Variants in NAV2 observed in about 807,000 individuals in gnomAD.
The protein encoded by NAV2 is neuron navigator 2.
Under a neutral mutation model 223.2 loss-of-function variants are expected in NAV2, and 54 were observed. That is an observed-to-expected ratio of 0.24 (90% CI 0.19 to 0.30). The LOEUF (loss-of-function observed/expected upper bound fraction) is 0.30, where lower values mean the gene tolerates loss of function less well. Among genes scored for constraint, NAV2 ranks in the 10% least tolerant of loss-of-function variants. NAV2 has a pLI of 1.00. For synonymous variants in NAV2, 1,279 were observed against 1,239.3 expected (o/e 1.03, Z -0.67); for missense variants, 2,806 against 3,147.5 (o/e 0.89, Z 2.60).
chr11:19,579,687 A>G (rs2045661201), intron 1 of NAV2, among the ~76,000 whole-genome samples: 1 of 152,242 alleles, frequency 6.6e-6, no homozygotes, highest in Admixed American at 6.5e-5. Context: ...TTAGAGCAGA[A>G]CCTGGAATTC....
At position 19,508,292 on chromosome 11, in the gene NAV2, A is replaced by T. The variant is rs1458089874; in HGVS notation, c.75+157265A>T. 2.0e-5 allele frequency among the ~76,000 whole-genome samples: 3 copies of T among 151,864 alleles called. No homozygotes were observed. The East Asian group carries it at 5.8e-4, about 29-fold the overall frequency. On this transcript the variant is annotated intron_variant, in intron 1 of 37. Transcript: ENST00000360655. ...TCAGGGTCAGGATGAGTCAAGGCTG[A>T]CTCATTGACTATCCACTCTAATGGC...
intron 1 of NAV2, among the ~76,000 whole-genome samples, chr11:19,351,265 A>T (rs1173020986): frequency 6.6e-6 from 1 of 152,218 alleles, no homozygotes; most frequent in Non-Finnish European, 1.5e-5. Flanking sequence ...AAAGGCAAAG[A>T]TTTATAAGCG....
chr11:19,485,477 A>C (rs1459761722), intron 1 of NAV2, among the ~76,000 whole-genome samples: 1 of 152,184 alleles, frequency 6.6e-6, no homozygotes, highest in Non-Finnish European at 1.5e-5. Flanking sequence ...ACTGAGGGAC[A>C]TTTAAAGGCC....
chr11:19,349,466 T>C (rs1853174668), upstream of NAV2, among the ~76,000 whole-genome samples: 1 of 152,130 alleles, frequency 6.6e-6, no homozygotes, highest in Non-Finnish European at 1.5e-5. Flanking sequence ...TAGCCACCAG[T>C]CAGGACAGCT....
intron 1 of NAV2, among the ~76,000 whole-genome samples, chr11:19,470,205 A>T (rs182896850): frequency 1.3e-5 from 2 of 152,204 alleles, no homozygotes; most frequent in Non-Finnish European, 2.9e-5. Flanking sequence ...ATGATTTTTC[A>T]TGACTCCAGT....
chr11:19,681,777 C>G (rs530112662), intron 1 of NAV2, among the ~76,000 whole-genome samples: 1 of 152,174 alleles, frequency 6.6e-6, no homozygotes, highest in Non-Finnish European at 1.5e-5. Flanking sequence ...GTCCTCCAGA[C>G]CAGGTAGCTA....
chr11:19,865,365 A>G (rs536854948), intron 3 of NAV2, among the ~76,000 whole-genome samples: 1 of 152,294 alleles, frequency 6.6e-6, no homozygotes, highest in South Asian at 2.1e-4. Flanking sequence ...TTACCTGTAC[A>G]GTATTTAGAA....
chr11:19,601,077 ATC>A (rs2046338451), intron 1 of NAV2, among the ~76,000 whole-genome samples: 1 of 152,170 alleles, frequency 6.6e-6, no homozygotes, highest in Non-Finnish European at 1.5e-5. Flanking sequence ...GAATTCTGCT[ATC>A]TGTCATCTCT....
upstream of NAV2, among the ~76,000 whole-genome samples, chr11:19,347,932 G>A (rs1388395913): frequency 5.3e-5 from 8 of 152,308 alleles, no homozygotes; most frequent in Non-Finnish European, 2.9e-5. Flanking sequence ...GTGGCAGCTA[G>A]CTAGCTGACA....
intron 14 of NAV2, among the ~76,000 whole-genome samples, chr11:20,047,116 C>T (rs1284317340): frequency 6.6e-6 from 1 of 152,088 alleles, no homozygotes; most frequent in African/African-American, 2.4e-5. Flanking sequence ...GTTGTTTTAA[C>T]AGATTGCCTT....
chr11:19,556,225 C>T (rs575412981), intron 1 of NAV2, among the ~76,000 whole-genome samples: 13 of 152,338 alleles, frequency 8.5e-5, no homozygotes, highest in African/African-American at 3.1e-4. Context: ...GTAAAAGTGA[C>T]AGGTTCAAGC....
chr11:19,861,069 A>C (rs1012521937), intron 3 of NAV2, among the ~76,000 whole-genome samples: 2 of 146,416 alleles, frequency 1.4e-5, no homozygotes, highest in Non-Finnish European at 3.0e-5. Flanking sequence ...GGAAAGGGAG[A>C]GGGCCAAAGT....
intron 1 of NAV2, among the ~76,000 whole-genome samples, chr11:19,736,626 G>C (rs1158588257): frequency 2.0e-5 from 3 of 152,204 alleles, no homozygotes. Context: ...CTCACATTTT[G>C]CTCCATATGT....
At chr11:20,042,131 CTG>C (rs1297041449) in intron 12 of NAV2, among the ~76,000 whole-genome samples, 1 of 152,120 alleles carries the variant, frequency 6.6e-6, no homozygotes, top group East Asian at 1.9e-4. Context: ...GATGAATGTA[CTG>C]GAAGTGTTTA....
intron 1 of NAV2, among the ~76,000 whole-genome samples, chr11:19,790,043 A>C (rs1044215621): frequency 6.6e-6 from 1 of 152,176 alleles, no homozygotes; most frequent in Non-Finnish European, 1.5e-5. Context: ...TCTCTTTGCC[A>C]AGGGGGAAAA....
intron 3 of NAV2, among the ~76,000 whole-genome samples, chr11:19,856,956 T>G (rs1463240903): frequency 1.3e-5 from 2 of 152,224 alleles, no homozygotes; most frequent in African/African-American, 2.4e-5. Flanking sequence ...AAGCTGCCGA[T>G]AGTGGCAAAT....
At chr11:19,937,589 A>T (rs2046023198) in intron 7 of NAV2, among the ~76,000 whole-genome samples, 1 of 152,340 alleles carries the variant, frequency 6.6e-6, no homozygotes, top group Non-Finnish European at 1.5e-5. Flanking sequence ...ACAGATGAGG[A>T]TGCTGAGATT....
chr11:19,451,545 C>A (rs1399430099), intron 1 of NAV2, among the ~76,000 whole-genome samples: 1 of 152,182 alleles, frequency 6.6e-6, no homozygotes, highest in African/African-American at 2.4e-5. Context: ...CTGTCTAAAG[C>A]TGGAGACAGA....
intron 1 of NAV2, among the ~76,000 whole-genome samples, chr11:19,600,691 A>C (rs994468742): frequency 4.6e-5 from 7 of 152,226 alleles, no homozygotes; most frequent in Non-Finnish European, 8.8e-5. Flanking sequence ...GGGGATAACA[A>C]TAGTAACTAC....
Sources: gnomAD v4.1 joint callset for allele counts (sites outside exome capture counted in the v4.1 genomes callset) on GRCh38, gnomAD v4.1.1 for gene constraint, MANE v1.5 for transcripts, NCBI Gene and HGNC (gene_info 2026-07-23, HGNC 2026-07-21) for gene names.